NHS: variants seen among roughly 807,000 people sequenced by gnomAD.
The protein encoded by NHS is NHS actin remodeling regulator, also known as actin remodeling regulator NHS.
In NHS, 5 loss-of-function variants were observed where a neutral mutation model predicts 72.5. That is an observed-to-expected ratio of 0.07 (90% confidence interval 0.04 to 0.14). The LOEUF (loss-of-function observed/expected upper bound fraction) is 0.14. Among genes scored for constraint, NHS ranks in the 10% least tolerant of loss-of-function variants. NHS has a pLI of 1.00. For synonymous variants in NHS, 464 were observed against 547.7 expected, an observed-to-expected ratio of 0.85 and a Z score of 2.13; for missense variants, 1,072 against 1,355.7, an observed-to-expected ratio of 0.79 and a Z score of 3.29.
At chrX:17,549,457 A>G (rs987830884) in intron 1 of NHS, among the ~76,000 whole-genome samples, 2 of 111,400 alleles carry the variant, frequency 1.8e-5, no homozygotes, top group African/African-American at 6.5e-5. Flanking sequence ...AAGCTGTCAG[A>G]TGCCCCTCCC....
chrX:17,401,989 A>G (rs1373502970), intron 1 of NHS, among the ~76,000 whole-genome samples: 1 of 112,101 alleles, frequency 8.9e-6, no homozygotes, highest in Non-Finnish European at 1.9e-5. Flanking sequence ...TAACTCAACA[A>G]TAAAAAGACA....
intron 1 of NHS, among the ~76,000 whole-genome samples, chrX:17,482,978 C>T (rs114650231): frequency 0.011 from 1,220 of 111,466 alleles, 11 homozygotes; most frequent in African/African-American, 0.038. Context: ...CGTGGGGACA[C>T]GGAGCTGAGA....
chrX:17,461,775 A>G (rs940809082), intron 1 of NHS, among the ~76,000 whole-genome samples: 1 of 113,065 alleles, frequency 8.8e-6, no homozygotes, highest in African/African-American at 3.2e-5. Flanking sequence ...GCTCACGTGC[A>G]TCTGTGGCCA....
intron 3 of NHS, among the ~76,000 whole-genome samples, chrX:17,699,552 C>T (rs191909462): frequency 8.9e-6 from 1 of 111,889 alleles, no homozygotes; most frequent in Admixed American, 9.5e-5. Context: ...ACATTTTGGG[C>T]CAAACAATTT....
chrX:17,448,865 C>T (rs1044977528), intron 1 of NHS, among the ~76,000 whole-genome samples: 5 of 112,068 alleles, frequency 4.5e-5, no homozygotes, highest in Non-Finnish European at 9.4e-5. Flanking sequence ...GCACACTGCA[C>T]GTTTGCTGGT....
At chrX:17,714,802 C>T (rs1268834463) in intron 3 of NHS, among the ~76,000 whole-genome samples, 1 of 111,946 alleles carries the variant, frequency 8.9e-6, no homozygotes, top group Non-Finnish European at 1.9e-5. Context: ...TAACCTTATC[C>T]ATCAGCACCC....
chrX:17,725,890 A>T lies in NHS; in HGVS notation c.1784A>T (p.Asp595Val). Residue 595 changes from aspartate to valine, a missense_variant, in exon 7 of 9, where the codon GAC becomes GTC. By Grantham distance (152) the Asp-to-Val change is radical. Coordinates refer to ENST00000676302, the MANE Select transcript of NHS (RefSeq NM_001291867.2). ...ATGGCTGCTGACTCTGGCAGCTGTG[A>T]CATCTCCTCCAACTCAGACACGTTT... ...SRMAADSGSC[D>V]ISSNSDTFGS... 8.3e-7 allele frequency: 1 copy of T among 1,211,565 alleles called. No individual in the cohort carries two copies. Among genetic ancestry groups the T allele is most frequent in the Non-Finnish European group, 1.1e-6 (1 of 895,459 alleles).
intron 1 of NHS, among the ~76,000 whole-genome samples, chrX:17,489,744 C>A (rs1040990423): frequency 7.1e-5 from 8 of 112,146 alleles, no homozygotes; most frequent in Non-Finnish European, 1.1e-4. Flanking sequence ...ACCTCGGCCT[C>A]CCAAAGTGCT....
intron 1 of NHS, among the ~76,000 whole-genome samples, chrX:17,561,574 G>GCGCGCACACACA (rs879101977): frequency 3.1e-5 from 2 of 65,401 alleles, no homozygotes; most frequent in East Asian, 5.9e-4. Flanking sequence ...GCGCGCGCGC[G>GCGCGCACACACA]CACACACACA....
chrX:17,732,328 C>T lies in NHS; in HGVS notation c.4820C>T (p.Pro1607Leu). 8.2e-7 allele frequency: 1 copy of T among 1,212,589 alleles called. No homozygotes were observed. The highest frequency in any genetic ancestry group is 1.1e-6 in the Non-Finnish European group (1 of 895,710). ...GCAAGGGTTGGACGTTCTCGGGCCC[C>T]TCCTGCAGCCAGCAGCAGCCGCTAC... ...ASARVGRSRA[P>L]PAASSSRYSV... is the part of the protein sequence containing the mutation. The change falls in exon 9 of 9, where the codon CCT becomes CTT. Residue 1607 changes from proline to leucine, a missense_variant. By Grantham distance (98) the Pro-to-Leu change is moderately conservative (BLOSUM62 -3). Transcript: ENST00000676302.
At chrX:17,559,500 C>A (rs2065401180) in intron 1 of NHS, among the ~76,000 whole-genome samples, 1 of 112,040 alleles carries the variant, frequency 8.9e-6, no homozygotes, top group African/African-American at 3.2e-5. Context: ...GAGCAAAAAT[C>A]CATACTGTTT....
chrX:17,602,322 G>C (rs1209454960), intron 1 of NHS, among the ~76,000 whole-genome samples: 1 of 112,227 alleles, frequency 8.9e-6, no homozygotes, highest in Non-Finnish European at 1.9e-5. Flanking sequence ...CATACTGAGT[G>C]CTTAGAACTG....
chrX:17,638,807 C>T (rs181383092), intron 1 of NHS, among the ~76,000 whole-genome samples: 233 of 112,030 alleles, frequency 2.1e-3, no homozygotes, highest in Admixed American at 3.6e-3. Context: ...ATCACTGGCA[C>T]AGGCAAAAGC....
rs369098526 is a variant in NHS, at chrX:17,726,855, C to A, written c.2749C>A (p.Gln917Lys). The A allele has an allele frequency of 2.5e-5, 30 of 1,210,145 alleles. No homozygotes were observed. The highest frequency in any genetic ancestry group is 2.2e-6 in the Non-Finnish European group (2 of 895,313). ...PTKQEPSWIN[Q>K]SEQGIKEPQL... ...CAAGCAGGAACCTTCTTGGATAAAC[C>A]AGAGTGAACAAGGCATTAAGGAACC... The change falls in exon 7 of 9, where the codon CAG becomes AAG. Residue 917 changes from glutamine to lysine, a missense_variant. Transcript: ENST00000676302.
At chrX:17,454,876 T>C in intron 1 of NHS, among the ~76,000 whole-genome samples, 1 of 111,919 alleles carries the variant, frequency 8.9e-6, no homozygotes, top group East Asian at 2.8e-4. Context: ...GGGACTGAGT[T>C]TGTTTCTGTG....
intron 1 of NHS, among the ~76,000 whole-genome samples, chrX:17,641,379 T>A (rs1248182836): frequency 8.9e-6 from 1 of 112,009 alleles, no homozygotes; most frequent in African/African-American, 3.2e-5. Context: ...TTGATTCATA[T>A]GAGAAAAGAA....
At chrX:17,667,091 G>A (rs1054918259) in intron 1 of NHS, among the ~76,000 whole-genome samples, 15 of 112,721 alleles carry the variant, frequency 1.3e-4, no homozygotes, top group Non-Finnish European at 1.9e-5. Context: ...GAGATGTTAA[G>A]GGACTTATTG....
At position 17,388,987 on chromosome X, in the gene NHS, C is replaced by T. The variant is rs186638593; in HGVS notation, c.565+12665C>T. ...CATTGAAAAGAACAAGAAAGCCCTC[C>T]TCTCCGCTCTCACTCTGCCAGACTT... is the stretch of plus-strand genomic sequence containing the variant. On this transcript the variant is annotated intron_variant, in intron 1 of 8. Coordinates refer to ENST00000676302, the MANE Select transcript of NHS (RefSeq NM_001291867.2). 2.7e-5 allele frequency among the ~76,000 whole-genome samples: 3 copies of T among 111,105 alleles called. No individual in the cohort carries two copies. In the East Asian group the frequency reaches 8.5e-4, roughly 32 times the overall value.
intron 1 of NHS, among the ~76,000 whole-genome samples, chrX:17,450,309 C>T (rs1278109478): frequency 8.9e-6 from 1 of 111,917 alleles, no homozygotes; most frequent in Non-Finnish European, 1.9e-5. Flanking sequence ...CTTCATGCCC[C>T]TCTCCCCCAG....
Sources: gnomAD v4.1 joint callset for allele counts (sites outside exome capture counted in the v4.1 genomes callset) on GRCh38, gnomAD v4.1.1 for gene constraint, MANE v1.5 for transcripts, NCBI Gene and HGNC (gene_info 2026-07-23, HGNC 2026-07-21) for gene names.